ARHGAP32: variants seen among roughly 807,000 people sequenced by gnomAD.
ARHGAP32 encodes rho GTPase-activating protein 32.
In ARHGAP32, 51 loss-of-function variants were observed where a neutral mutation model predicts 186.5. The observed-to-expected ratio is 0.27, with a 90% CI of 0.22 to 0.35. The LOEUF is 0.35. ARHGAP32 is among the 10% of genes least tolerant of loss of function. The pLI is 1.00. For synonymous variants in ARHGAP32, 950 were observed against 964.3 expected (o/e 0.99, Z 0.27); for missense variants, 2,186 against 2,623.5 (o/e 0.83, Z 3.64).
chr11:129,155,310 A>C (rs1383852210), intron 2 of ARHGAP32, among the ~76,000 whole-genome samples: 1 of 152,230 alleles, frequency 6.6e-6, no homozygotes, highest in African/African-American at 2.4e-5. Context: ...CATAGGAATA[A>C]AAATAAGAAA....
chr11:129,097,498 T>G (rs1022477253), intron 5 of ARHGAP32, among the ~76,000 whole-genome samples: 5 of 151,966 alleles, frequency 3.3e-5, no homozygotes, highest in Admixed American at 1.3e-4. Context: ...AAAATCAAAT[T>G]TTGTAGCTGA....
intron 1 of ARHGAP32, among the ~76,000 whole-genome samples, chr11:129,247,519 TA>T (rs1438945161): frequency 1.3e-5 from 2 of 152,208 alleles, no homozygotes; most frequent in African/African-American, 4.8e-5. Flanking sequence ...CAAATTATAT[TA>T]ATCTGCCTTC....
chr11:128,974,517 G>T lies in ARHGAP32; in HGVS notation c.2680C>A (p.Pro894Thr). 1 of 1,614,178 alleles carries T rather than the reference G, an allele frequency of 6.2e-7. No individual in the cohort carries two copies. Among genetic ancestry groups the T allele is most frequent in the South Asian group, 1.1e-5 (1 of 91,084 alleles). The change falls in exon 21 of 23, where the codon CCA (proline) becomes ACA (threonine). Residue 894 changes from proline (P) to threonine (T), a missense_variant. Pro to Thr is a conservative substitution (Grantham distance 38, BLOSUM62 -1). This residue lies in a region of ARHGAP32 where 1,502 missense variants were observed against 1,570.0 expected (regional missense o/e 0.96). Coordinates refer to ENST00000682385, the MANE Select transcript of ARHGAP32 (RefSeq NM_001378024.1). ...LSPTEDKSSK[P>T]SSFTEKVVYA... ...ACGACCTTTTCAGTAAAGGAGGATG[G>T]CTTAGATGATTTATCTTCAGTTGGG...
intron 15 of ARHGAP32, among the ~76,000 whole-genome samples, chr11:128,983,609 A>G (rs1237866504): frequency 1.3e-5 from 2 of 151,960 alleles, no homozygotes; most frequent in Non-Finnish European, 2.9e-5. Flanking sequence ...AAACCTGCAT[A>G]TTGTGCACAT....
intron 2 of ARHGAP32, among the ~76,000 whole-genome samples, chr11:129,135,390 G>A (rs1942913475): frequency 6.6e-6 from 1 of 152,182 alleles, no homozygotes. Context: ...TCTGACTCAT[G>A]ACAAAGGCAC....
chr11:129,235,480 T>C (rs908660514), intron 1 of ARHGAP32, among the ~76,000 whole-genome samples: 2 of 152,190 alleles, frequency 1.3e-5, no homozygotes, highest in African/African-American at 4.8e-5. Context: ...ATTTTTGGTA[T>C]TATCTGCTCA....
chr11:129,124,406 C>G (rs1389445993), intron 3 of ARHGAP32, among the ~76,000 whole-genome samples: 7 of 152,100 alleles, frequency 4.6e-5, no homozygotes, highest in Admixed American at 4.6e-4. Flanking sequence ...CTGTATTTCA[C>G]TTAACAGTCA....
chr11:128,991,529 T>C (rs1457429203), intron 12 of ARHGAP32, among the ~76,000 whole-genome samples: 1 of 152,120 alleles, frequency 6.6e-6, no homozygotes, highest in Admixed American at 6.6e-5. Flanking sequence ...CCAATATATT[T>C]TGTAAAAAAA....
At chr11:129,197,476 A>G (rs1944407605) in intron 1 of ARHGAP32, among the ~76,000 whole-genome samples, 1 of 152,228 alleles carries the variant, frequency 6.6e-6, no homozygotes, top group South Asian at 2.1e-4. Context: ...CAAGGGGTCA[A>G]TAAATGTCTC....
chr11:129,055,807 C>T (rs1235606251), intron 10 of ARHGAP32, among the ~76,000 whole-genome samples: 1 of 152,066 alleles, frequency 6.6e-6, no homozygotes, highest in Non-Finnish European at 1.5e-5. Context: ...ATTTTTAGGG[C>T]AATAAAACTA....
chr11:129,222,833 C>A (rs1944730230), intron 1 of ARHGAP32, among the ~76,000 whole-genome samples: 1 of 152,136 alleles, frequency 6.6e-6, no homozygotes, highest in South Asian at 2.1e-4. Context: ...TACTAAAATG[C>A]AGATTCTGAC....
intron 15 of ARHGAP32, among the ~76,000 whole-genome samples, chr11:128,984,985 T>C (rs1188785534): frequency 6.6e-6 from 1 of 152,186 alleles, no homozygotes; most frequent in Non-Finnish European, 1.5e-5. Flanking sequence ...TTGACGTTTA[T>C]GATGGTGCAA....
chr11:129,191,926 C>T (rs907538018), intron 1 of ARHGAP32, among the ~76,000 whole-genome samples, 157 bp downstream of exon 1: 4 of 152,044 alleles, frequency 2.6e-5, no homozygotes, highest in Admixed American at 6.6e-5. Flanking sequence ...ATGAGGAGTG[C>T]TATATACAAC....
At chr11:128,976,502 A>G (rs1565351210) in intron 20 of ARHGAP32, 61 bp downstream of exon 20, 51 of 1,326,664 alleles carry the variant, frequency 3.8e-5, no homozygotes, top group Non-Finnish European at 3.2e-5. Context: ...AATATACTCA[A>G]TTGCAGTATT....
chr11:129,131,096 T>A (rs1942797561), intron 2 of ARHGAP32, among the ~76,000 whole-genome samples: 1 of 152,128 alleles, frequency 6.6e-6, no homozygotes, highest in Non-Finnish European at 1.5e-5. Flanking sequence ...TCTTGCTGTC[T>A]TATTACATTT....
chr11:129,134,171 G>C (rs1327567646), intron 2 of ARHGAP32, among the ~76,000 whole-genome samples: 2 of 151,648 alleles, frequency 1.3e-5, no homozygotes, highest in African/African-American at 2.4e-5. Context: ...TCATCTCTGA[G>C]GCAGTAAAAA....
chr11:129,161,733 T>C lies in ARHGAP32; in HGVS notation c.225+2586A>G, dbSNP rs141865735. On this transcript the variant is annotated intron_variant, in intron 2 of 22. Coordinates refer to ENST00000682385, the MANE Select transcript of ARHGAP32 (RefSeq NM_001378024.1). The stretch of plus-strand genomic sequence containing the variant: ...TTAGTTCAGCCATTGTGGAAGACAG[T>C]GCGGCGATTCCTCAAGGATCTAGAA... Among the ~76,000 whole-genome samples, 440 of 152,282 alleles carry C rather than the reference T, an allele frequency of 2.9e-3. 2 individuals carry two copies. The highest frequency in any genetic ancestry group is 1.0e-2 in the African/African-American group (414 of 41,550).
At position 129,123,784 on chromosome 11, in the gene ARHGAP32, T is replaced by A; in HGVS notation, c.359+104A>T. The stretch of plus-strand genomic sequence containing the variant: ...ATCTCCTAATTTTGACCCGAATCAA[T>A]GTCCATAGAAAAACTGCTATTTTCG... On this transcript the variant is annotated intron_variant, in intron 4 of 22. Coordinates refer to ENST00000682385, the MANE Select transcript of ARHGAP32 (RefSeq NM_001378024.1). The surrounding 1 kb of genome is among the most constrained non-coding windows in gnomAD (Gnocchi z 4.6). 1.0e-6 allele frequency: 1 copy of A among 973,680 alleles called. No homozygotes were observed. The highest frequency in any genetic ancestry group is 1.4e-6 in the Non-Finnish European group (1 of 697,060). 60.3% of individuals were successfully genotyped at this position (973,680 alleles called of 1,614,324 possible).
intron 10 of ARHGAP32, among the ~76,000 whole-genome samples, chr11:129,044,271 A>G (rs772259407): frequency 7.2e-5 from 11 of 152,220 alleles, no homozygotes; most frequent in Non-Finnish European, 1.3e-4. Flanking sequence ...ATAGAGTAAA[A>G]TGCATTGATT....
Sources: allele counts gnomAD v4.1 joint callset (sites outside exome capture counted in the v4.1 genomes callset), GRCh38; gene constraint gnomAD v4.1.1; regional missense constraint gnomAD v4.1.1; non-coding constraint Gnocchi (gnomAD v3.1); transcripts MANE v1.5; gene names NCBI Gene and HGNC (gene_info 2026-07-23, HGNC 2026-07-21).